The following MIA2 variants were observed in gnomAD, a reference collection of about 807,000 sequenced individuals.
MIA2 encodes the protein melanoma inhibitory activity protein 2.
A neutral mutation model predicts 167.8 loss-of-function variants in MIA2; 127 were observed. That is an observed-to-expected ratio of 0.76 (90% CI 0.66 to 0.88). MIA2 has a LOEUF of 0.88. Among genes scored for constraint, MIA2 ranks in the 40% least tolerant of loss-of-function variants. The pLI is 0.00. For synonymous variants in MIA2, 552 were observed against 541.9 expected (o/e 1.02, Z -0.26); for missense variants, 1,690 against 1,624.7 (o/e 1.04, Z -0.69).
At chr14:39,290,885 T>C in intron 9 of MIA2, 134 bp from the exon 10 acceptor site, 2 of 828,378 alleles carry the variant, frequency 2.4e-6, no homozygotes, top group Non-Finnish European at 3.7e-6. Context: ...TTTAAAAAAC[T>C]TAAAGCTAAG....
rs775541540 is a variant in MIA2, at chr14:39,247,475, A to G, written c.901A>G (p.Ile301Val). 13 of 1,613,922 alleles carry G rather than the reference A, an allele frequency of 8.1e-6. No homozygotes were observed. Among genetic ancestry groups the G allele is most frequent in the Admixed American group, 3.3e-5 (2 of 59,970 alleles). The change falls in exon 4 of 29, where the codon ATT (isoleucine) becomes GTT (valine). Residue 301 changes from isoleucine to valine, a missense_variant. Ile to Val is a conservative substitution (Grantham distance 29). Transcript: ENST00000640607. ...TGAACTAGCATCTGAGTCAGAGCAC[A>G]TTCCCAAACCTCAATCCACTGGTTG... is the stretch of plus-strand genomic sequence containing the variant. ...QSELASESEH[I>V]PKPQSTGWFG...
At chr14:39,311,849 A>C (rs199865054) in intron 18 of MIA2, among the ~76,000 whole-genome samples, 1 of 130,112 alleles carries the variant, frequency 7.7e-6, no homozygotes, top group Non-Finnish European at 1.6e-5. Flanking sequence ...TTTTTTTTTG[A>C]GATAGAGTCT....
intron 3 of MIA2, among the ~76,000 whole-genome samples, chr14:39,243,213 AGTT>A (rs2054135475): frequency 6.6e-6 from 1 of 152,034 alleles, no homozygotes; most frequent in South Asian, 2.1e-4. Context: ...TGAAGGTCTC[AGTT>A]GATTTCCTAA....
chr14:39,282,184 G>A (rs1168635165), intron 9 of MIA2, among the ~76,000 whole-genome samples: 1 of 152,058 alleles, frequency 6.6e-6, no homozygotes, highest in Non-Finnish European at 1.5e-5. Context: ...TCTTCAGTGA[G>A]GATTTACTGT....
intron 25 of MIA2, among the ~76,000 whole-genome samples, chr14:39,331,242 G>T (rs1489494007): frequency 6.6e-6 from 1 of 151,896 alleles, no homozygotes; most frequent in East Asian, 1.9e-4. Context: ...ATCTTTGTTG[G>T]TTTCAAGTCT....
rs554607340 is a variant in MIA2, at chr14:39,267,828, G to C, written c.1888-9106G>C. Among the ~76,000 whole-genome samples the C allele has an allele frequency of 2.1e-3, 322 of 152,342 alleles. 2 individuals carry two copies. Among genetic ancestry groups the C allele is most frequent in the Non-Finnish European group, 4.0e-3 (270 of 68,032 alleles). On this transcript the variant is annotated intron_variant, in intron 6 of 28. Transcript: ENST00000640607. ...TAAAACTAATTAGCCTTTCCGCTAT[G>C]TTGTTTATTTTGAGCAGAGACACGT... is the stretch of plus-strand genomic sequence containing the variant.
At chr14:39,332,118 T>TC (rs2069044314) in intron 25 of MIA2, among the ~76,000 whole-genome samples, 1 of 152,056 alleles carries the variant, frequency 6.6e-6, no homozygotes, top group Non-Finnish European at 1.5e-5. Flanking sequence ...GTCCCATATT[T>TC]CTTGGAGGCT....
intron 1 of MIA2, 74 bp downstream of exon 1, chr14:39,234,303 C>A: frequency 1.1e-6 from 1 of 907,872 alleles, no homozygotes; most frequent in Non-Finnish European, 1.7e-6. Context: ...ATTGTGGTCA[C>A]GCATGATAAA....
chr14:39,347,769 G>T lies in MIA2; in HGVS notation c.3835G>T (p.Gly1279Cys). The T allele has an allele frequency of 1.9e-6, 3 of 1,605,704 alleles. No individual in the cohort carries two copies. The South Asian group carries it at 3.3e-5, about 18-fold the overall frequency. Residue 1279 changes from glycine (G) to cysteine (C), a missense_variant and splice_region_variant, in exon 27 of 29, where the codon GGT (glycine) becomes TGT (cysteine). By Grantham distance (159) the Gly-to-Cys change is radical. Transcript: ENST00000640607. ...SSRNDTKDDL[G>C]NLNVPDSSLP... ...TAGAAATGATACCAAAGATGATCTT[G>T]GTGTAAGTATTGAAAGAGTGGAATT...
rs79217952 is a variant in MIA2, at chr14:39,337,206, A to T, written c.3656-8698A>T. 2.2e-4 allele frequency among the ~76,000 whole-genome samples: 33 copies of T among 152,364 alleles called. No individual in the cohort carries two copies. The East Asian group carries it at 6.2e-3, about 28-fold the overall frequency. On this transcript the variant is annotated intron_variant, in intron 25 of 28. Coordinates refer to ENST00000640607, the MANE Select transcript of MIA2 (RefSeq NM_001329214.4). The stretch of plus-strand genomic sequence containing the variant: ...GATAGAAAAGATACACCATGCAAAC[A>T]TTAATCGAAAGAAAATGAGGTCAAG...
chr14:39,280,574 T>C (rs909280866), intron 9 of MIA2, among the ~76,000 whole-genome samples: 1 of 151,886 alleles, frequency 6.6e-6, no homozygotes, highest in African/African-American at 2.4e-5. Flanking sequence ...CTACTAAAAA[T>C]ACAAAAAAAT....
rs2061078118 is a variant in MIA2 at position 39,294,019 on chromosome 14, G to A, written c.2339G>A (p.Arg780Lys). Reference protein sequence around the residue: ...QDELMADISKRIQSLEDESKS... With the variant: ...QDELMADISKKIQSLEDESKS... ...TTCTAGATGGCGGATATTTCAAAAAGGATACAGTCTCTAGAAGATGAGTCA... is the reference window on the plus strand; with the variant it reads ...TTCTAGATGGCGGATATTTCAAAAAAGATACAGTCTCTAGAAGATGAGTCA... The change falls in exon 12 of 29, where the codon AGG becomes AAG. Residue 780 changes from arginine (R) to lysine (K), a missense_variant. Physicochemically the swap from Arg to Lys is conservative, Grantham distance 26. Transcript: ENST00000640607. 3 of 1,610,982 alleles carry A rather than the reference G, an allele frequency of 1.9e-6. No homozygotes were observed. Among genetic ancestry groups the A allele is most frequent in the African/African-American group, 2.7e-5 (2 of 74,692 alleles).
chr14:39,302,372 GAC>G (rs1230113620), intron 15 of MIA2, 123 bp downstream of exon 15: 4 of 1,109,062 alleles, frequency 3.6e-6, no homozygotes, highest in South Asian at 1.6e-5. Context: ...GTCTGTCTGT[GAC>G]ACACTGTCCT....
chr14:39,267,899 G>C (rs1021268917), intron 6 of MIA2, among the ~76,000 whole-genome samples: 30 of 151,982 alleles, frequency 2.0e-4, no homozygotes, highest in South Asian at 1.2e-3. Flanking sequence ...CTTTAAATTA[G>C]TTACATTTAC....
intron 25 of MIA2, among the ~76,000 whole-genome samples, chr14:39,330,578 G>A (rs1376546282): frequency 2.0e-5 from 3 of 151,972 alleles, no homozygotes; most frequent in Admixed American, 6.6e-5. Context: ...GATTTTTCCC[G>A]CTTGATCTCC....
intron 13 of MIA2, among the ~76,000 whole-genome samples, chr14:39,298,803 G>A (rs1420419351): frequency 6.6e-6 from 1 of 150,876 alleles, no homozygotes; most frequent in Admixed American, 6.6e-5. Flanking sequence ...TCCTTTCTTG[G>A]TGGGGTGCAG....
downstream of MIA2, among the ~76,000 whole-genome samples, chr14:39,356,187 C>CT (rs576313075): frequency 0.054 from 8,142 of 152,036 alleles, 779 homozygotes; most frequent in African/African-American, 0.19. Context: ...TGGTCCTGGA[C>CT]TTTTTTTGGT....
At chr14:39,332,456 T>C (rs752827093) in intron 25 of MIA2, among the ~76,000 whole-genome samples, 1 of 152,210 alleles carries the variant, frequency 6.6e-6, no homozygotes, top group Non-Finnish European at 1.5e-5. Flanking sequence ...TTTGTCGAAC[T>C]CATTGTCTGT....
chr14:39,256,272 C>T (rs144535295), intron 6 of MIA2, among the ~76,000 whole-genome samples: 2,347 of 152,188 alleles, frequency 0.015, 30 homozygotes, highest in Non-Finnish European at 0.026. Context: ...CCTGCTAGAT[C>T]TAGGATTCTA....
Sources: gnomAD v4.1 joint callset for allele counts (sites outside exome capture counted in the v4.1 genomes callset) on GRCh38, gnomAD v4.1.1 for gene constraint, MANE v1.5 for transcripts, NCBI Gene and HGNC (gene_info 2026-07-23, HGNC 2026-07-21) for gene names.